DENND1A: variants seen among roughly 807,000 people sequenced by gnomAD.
DENND1A encodes the protein DENN domain-containing protein 1A.
Under a neutral mutation model 113.7 loss-of-function variants are expected in DENND1A, and 51 were observed. That is an observed-to-expected ratio of 0.45 (90% CI 0.36 to 0.57). The LOEUF (loss-of-function observed/expected upper bound fraction) is 0.57, where lower values mean the gene tolerates loss of function less well. Ranked by LOEUF, DENND1A falls within the 20% of genes least tolerant of loss-of-function variation. The pLI is 0.00. For missense variants in DENND1A, 1,258 were observed against 1,395.9 expected, an observed-to-expected ratio of 0.90 and a Z score of 1.57; for synonymous variants, 565 against 570.8, an observed-to-expected ratio of 0.99 and a Z score of 0.14.
chr9:123,887,928 T>A (rs776884010), intron 1 of DENND1A, among the ~76,000 whole-genome samples: 9 of 152,204 alleles, frequency 5.9e-5, no homozygotes, highest in Non-Finnish European at 7.3e-5. Context: ...TCAAGGTTTA[T>A]ATGTATATAT....
Position 123,382,444 on chromosome 9 carries a change from C to T in DENND1A, c.2201G>A (p.Arg734Lys), listed in dbSNP as rs558378738. Residue 734 changes from arginine to lysine, a missense_variant, in exon 24 of 24, where the codon AGG (arginine) becomes AAG (lysine). By Grantham distance (26) the Arg-to-Lys change is conservative (BLOSUM62 2). This residue lies in a region of DENND1A where 1,159 missense variants were observed against 1,231.7 expected (regional missense o/e 0.94). Transcript: ENST00000394215. ...CAGGATGCTGTCCCGGTTCTGGGGC[C>T]TTCGAGGCAGGGCCAGGGAGTTTCC... Reference protein sequence around the residue: ...LLGNSLALPRRPQNRDSILNP... With the variant: ...LLGNSLALPRKPQNRDSILNP... 3 of 1,611,446 alleles carry T rather than the reference C, an allele frequency of 1.9e-6. No homozygotes were observed. Among genetic ancestry groups the T allele is most frequent in the South Asian group, 1.1e-5 (1 of 90,808 alleles).
intron 11 of DENND1A, among the ~76,000 whole-genome samples, chr9:123,588,632 A>ACGG (rs1291927512): frequency 4.3e-5 from 5 of 116,402 alleles, no homozygotes; most frequent in African/African-American, 1.3e-4. Flanking sequence ...AAAAAAAAAA[A>ACGG]AGGGGGGGGG....
At chr9:123,757,342 T>C (rs1022301798) in intron 5 of DENND1A, among the ~76,000 whole-genome samples, 1 of 152,160 alleles carries the variant, frequency 6.6e-6, no homozygotes, top group Non-Finnish European at 1.5e-5. Context: ...GACACATACT[T>C]TATTAATAAT....
intron 5 of DENND1A, among the ~76,000 whole-genome samples, chr9:123,753,370 G>C (rs535677661): frequency 1.5e-4 from 23 of 152,012 alleles, no homozygotes; most frequent in Non-Finnish European, 2.5e-4. Context: ...TTGCACAAAG[G>C]GTGTCTAAAA....
chr9:123,677,932 C>T (rs2064194860), intron 5 of DENND1A, among the ~76,000 whole-genome samples: 1 of 152,168 alleles, frequency 6.6e-6, no homozygotes, highest in Non-Finnish European at 1.5e-5. Flanking sequence ...TCCTCTCACT[C>T]CGGAACGTCC....
intron 1 of DENND1A, among the ~76,000 whole-genome samples, chr9:123,922,652 T>C (rs1856463481): frequency 6.6e-6 from 1 of 152,142 alleles, no homozygotes; most frequent in African/African-American, 2.4e-5. Flanking sequence ...ATCAACTTCC[T>C]CTCCTGTAAT....
chr9:123,805,418 C>T (rs1038314113), intron 2 of DENND1A, among the ~76,000 whole-genome samples: 1 of 150,530 alleles, frequency 6.6e-6, no homozygotes, highest in Non-Finnish European at 1.5e-5. Flanking sequence ...ATACACATAG[C>T]CTGAAGGTAA....
At chr9:123,472,719 T>C (rs1330850727) in intron 13 of DENND1A, among the ~76,000 whole-genome samples, 1 of 152,026 alleles carries the variant, frequency 6.6e-6, no homozygotes, top group Non-Finnish European at 1.5e-5. Context: ...AGTATGGAGT[T>C]GGGGAGAAGC....
At chr9:123,505,815 A>G (rs1025622962) in intron 13 of DENND1A, among the ~76,000 whole-genome samples, 1 of 152,160 alleles carries the variant, frequency 6.6e-6, no homozygotes, top group Admixed American at 6.5e-5. Flanking sequence ...TAGAAATAGA[A>G]TATTTAAAGG....
intron 2 of DENND1A, among the ~76,000 whole-genome samples, chr9:123,812,741 A>C (rs1290105807): frequency 6.6e-6 from 1 of 152,052 alleles, no homozygotes; most frequent in East Asian, 1.9e-4. Context: ...ACTTGGATTT[A>C]TTATTTTATT....
chr9:123,446,274 T>C (rs2047300661), intron 18 of DENND1A, among the ~76,000 whole-genome samples: 1 of 152,232 alleles, frequency 6.6e-6, no homozygotes, highest in Non-Finnish European at 1.5e-5. Flanking sequence ...AATTAAAATA[T>C]GAATATTGAT....
intron 3 of DENND1A, 27 bp from the exon 4 acceptor site, chr9:123,769,590 TACATCTAATGGG>T (rs1829396258): frequency 6.3e-7 from 1 of 1,594,932 alleles, no homozygotes; most frequent in East Asian, 2.2e-5. Flanking sequence ...AGATAATTTA[TACATCTAATGGG>T]ACCAGTAAAT....
At chr9:123,833,390 A>G (rs550098956) in intron 2 of DENND1A, among the ~76,000 whole-genome samples, 2 of 151,868 alleles carry the variant, frequency 1.3e-5, no homozygotes, top group East Asian at 1.9e-4. Flanking sequence ...AAATAGCTGG[A>G]AAAAAAATCA....
chr9:123,388,385 G>A (rs1474044915), intron 21 of DENND1A, among the ~76,000 whole-genome samples: 1 of 152,156 alleles, frequency 6.6e-6, no homozygotes, highest in African/African-American at 2.4e-5. Context: ...TGGAATCATG[G>A]GTGATTTCTT....
chr9:123,626,238 GC>G (rs2061207587), intron 10 of DENND1A, among the ~76,000 whole-genome samples: 2 of 152,100 alleles, frequency 1.3e-5, no homozygotes, highest in Admixed American at 1.3e-4. Context: ...GTGTGTATGG[GC>G]GGGGGGTGTC....
chr9:123,899,179 C>G (rs1234356763), intron 1 of DENND1A, among the ~76,000 whole-genome samples: 3 of 152,182 alleles, frequency 2.0e-5, no homozygotes, highest in Admixed American at 6.5e-5. Flanking sequence ...GAGAACCATG[C>G]TAGGTGACAG....
At chr9:123,614,007 C>T (rs528496482) in intron 10 of DENND1A, among the ~76,000 whole-genome samples, 27 of 152,276 alleles carry the variant, frequency 1.8e-4, no homozygotes, top group Non-Finnish European at 3.8e-4. Flanking sequence ...TGGAAGATAT[C>T]TTTAGTTTGA....
At chr9:123,420,303 A>G (rs2045147653) in intron 19 of DENND1A, among the ~76,000 whole-genome samples, 1 of 152,220 alleles carries the variant, frequency 6.6e-6, no homozygotes, top group Non-Finnish European at 1.5e-5. Flanking sequence ...CCTTGCCCAA[A>G]GGCACAGCAC....
At chr9:123,612,025 A>T (rs1347741051) in intron 10 of DENND1A, among the ~76,000 whole-genome samples, 2 of 152,254 alleles carry the variant, frequency 1.3e-5, no homozygotes. Flanking sequence ...TATTGTTAGA[A>T]CTGCAACAGC....
Sources: gnomAD v4.1 joint callset for allele counts (sites outside exome capture counted in the v4.1 genomes callset) on GRCh38, gnomAD v4.1.1 for gene constraint, gnomAD v4.1.1 regional missense constraint, MANE v1.5 for transcripts, NCBI Gene and HGNC (gene_info 2026-07-23, HGNC 2026-07-21) for gene names.